SMTN: variants seen among roughly 807,000 people sequenced by gnomAD.
The protein encoded by SMTN is smoothelin.
In SMTN, 58 loss-of-function variants were observed where a neutral mutation model predicts 102.0. The observed-to-expected ratio is 0.57, with a 90% CI of 0.46 to 0.71. The LOEUF (loss-of-function observed/expected upper bound fraction) is 0.71. Ranked by LOEUF, SMTN falls within the 30% of genes least tolerant of loss-of-function variation. The probability of loss-of-function intolerance (pLI) is 0.00; values close to 1 mark genes in which losing one functional copy is unlikely to be tolerated. For missense variants in SMTN, 1,185 were observed against 1,241.7 expected (o/e 0.95, Z 0.69); for synonymous variants, 478 against 497.9 (o/e 0.96, Z 0.53).
intron 1 of SMTN, among the ~76,000 whole-genome samples, chr22:31,069,796 G>A (rs200467097): frequency 5.3e-5 from 8 of 152,320 alleles, no homozygotes; most frequent in East Asian, 3.9e-4. Context: ...TGGGTGGGCC[G>A]ACCTCAGGAA....
chr22:31,096,988 G>A lies in SMTN; in HGVS notation c.2027-10G>A. On this transcript the variant is annotated splice_polypyrimidine_tract_variant and intron_variant, in intron 14 of 20. Coordinates refer to ENST00000333137, the MANE Select transcript of SMTN (RefSeq NM_134269.3). ...GCCTTTCACATCCTTCTCATCCCCTGCCCCTGCAGATGATGGCACACGGAC... is the reference window on the plus strand; with the variant it reads ...GCCTTTCACATCCTTCTCATCCCCTACCCCTGCAGATGATGGCACACGGAC... 2 of 1,614,040 alleles carry A rather than the reference G, an allele frequency of 1.2e-6. No individual in the cohort carries two copies. The highest frequency in any genetic ancestry group is 1.7e-6 in the Non-Finnish European group (2 of 1,179,972).
rs745964072 is a variant in SMTN at position 31,098,678 on chromosome 22, G to C, written c.2171G>C (p.Arg724Pro). 6.2e-7 allele frequency: 1 copy of C among 1,613,298 alleles called. No homozygotes were observed. The highest frequency in any genetic ancestry group is 8.5e-7 in the Non-Finnish European group (1 of 1,179,812). The change falls in exon 17 of 21, where the codon CGC becomes CCC. Residue 724 changes from arginine to proline, a missense_variant. Around this residue, in one of 2 missense-constraint regions of SMTN, gnomAD observed 1,096 missense variants for 1,112.7 expected, o/e 0.98. Coordinates refer to ENST00000333137, the MANE Select transcript of SMTN (RefSeq NM_134269.3). ...TCCCCAACCCCTAGCATCTTCGACCGCGAGGACCAGGCCAGCCCACGGGCC... is the reference window on the plus strand; with the variant it reads ...TCCCCAACCCCTAGCATCTTCGACCCCGAGGACCAGGCCAGCCCACGGGCC... The part of the protein sequence containing the change: ...SSKKMGSIFD[R>P]EDQASPRAGS...
intron 11 of SMTN, 90 bp downstream of exon 11, chr22:31,091,937 C>A: frequency 1.7e-6 from 2 of 1,202,936 alleles, no homozygotes; most frequent in South Asian, 1.6e-5. Context: ...TCCTCTGCTC[C>A]TCCCCTACTG....
chr22:31,095,358 C>A lies in SMTN; in HGVS notation c.1688C>A (p.Ala563Asp). ...LAAAVEAANG[A>D]EQTRVNKAPE... ...GCAGCAGTGGAAGCGGCCAATGGGG[C>A]TGAGCAGACCCGAGTGAACAAAGCA... Residue 563 changes from alanine to aspartate, a missense_variant, in exon 12 of 21, where the codon GCT becomes GAT. Physicochemically the swap from Ala to Asp is moderately radical, Grantham distance 126. Around this residue, in one of 2 missense-constraint regions of SMTN, gnomAD observed 1,096 missense variants for 1,112.7 expected, o/e 0.98. Transcript: ENST00000333137. This position sits in a 1 kb window ranked among gnomAD's most constrained non-coding sequence, Gnocchi z 4.1. 6.2e-7 allele frequency: 1 copy of A among 1,614,214 alleles called. No individual in the cohort carries two copies.
upstream of SMTN, chr22:31,080,837 T>C (rs1169155157): frequency 6.6e-6 from 1 of 152,346 alleles, no homozygotes; most frequent in Non-Finnish European, 1.5e-5. Flanking sequence ...AGGGTCAAGG[T>C]GCTGCCAGTC....
chr22:31,082,848 C>T, intron 1 of SMTN: 4 of 1,523,224 alleles, frequency 2.6e-6, no homozygotes, highest in Non-Finnish European at 3.5e-6. Context: ...GTAAGCACAG[C>T]TTGGGTGGGT....
At chr22:31,082,984 A>G in intron 1 of SMTN, 195 bp from the exon 2 acceptor site, 1 of 1,435,308 alleles carries the variant, frequency 7.0e-7, no homozygotes, top group Non-Finnish European at 9.6e-7. Flanking sequence ...GGAACCAGAG[A>G]CCCCCTACCC....
rs1290116341 is a variant in SMTN, at chr22:31,091,196, C to T, written c.1173C>T (p.Ser391=). Residue 391 remains serine, a synonymous_variant, in exon 10 of 21, where the codon TCC becomes TCT. Transcript: ENST00000333137. ...SSSRGPSDTS[S]RFSKEQRGVA... is the part of the protein sequence containing the mutation. ...CTCGGGGCCCCAGTGATACCTCCTC[C>T]CGGTTCAGCAAGGAGCAACGAGGAG... The T allele has an allele frequency of 2.5e-6, 4 of 1,613,226 alleles. No homozygotes were observed. Among genetic ancestry groups the T allele is most frequent in the East Asian group, 2.2e-5 (1 of 44,846 alleles).
intron 13 of SMTN, chr22:31,096,496 C>T (rs2074736): frequency 0.7 from 312,438 of 443,976 alleles, 112,312 homozygotes; most frequent in African/African-American, 0.89. Context: ...AGTTTAGCTA[C>T]TCCGTATTCT....
chr22:31,079,880 A>C (rs1347149680), upstream of SMTN, among the ~76,000 whole-genome samples: 3 of 152,208 alleles, frequency 2.0e-5, no homozygotes, highest in African/African-American at 7.2e-5. Flanking sequence ...CTACTGCCTC[A>C]GCCTCCCAAG....
In SMTN at chr22:31,101,063, C is replaced by T; in HGVS notation, c.*20+14C>T. ...CGGGGCCCCACGGTGAGAAACGCCGCCTCTACCACCTGCCCCGTTTCACCA... is the reference window on the plus strand; with the variant it reads ...CGGGGCCCCACGGTGAGAAACGCCGTCTCTACCACCTGCCCCGTTTCACCA... On this transcript the variant is annotated intron_variant, in intron 20 of 20. Transcript: ENST00000333137. 6.3e-7 allele frequency: 1 copy of T among 1,583,428 alleles called. No homozygotes were observed. The highest frequency in any genetic ancestry group is 2.3e-5 in the East Asian group (1 of 43,384).
At chr22:31,086,514 C>T (rs1373024287) in intron 2 of SMTN, among the ~76,000 whole-genome samples, 3 of 152,186 alleles carry the variant, frequency 2.0e-5, no homozygotes, top group Non-Finnish European at 2.9e-5. Context: ...CCCATTTGCC[C>T]CCTTGTCTCT....
At position 31,095,314 on chromosome 22, in the gene SMTN, G is replaced by A; in HGVS notation, c.1644G>A (p.Glu548=). ...RGGCSIKMEA[E]PAEPLAAAVE... is the part of the protein sequence containing the mutation. ...TCCCCACCCTGCAGATGGAAGCAGA[G>A]CCAGCAGAGCCTCTCGCTGCAGCAG... The change falls in exon 12 of 21, where the codon GAG becomes GAA. Residue 548 remains glutamate (E), a synonymous_variant. Transcript: ENST00000333137. The surrounding 1 kb of genome is among the most constrained non-coding windows in gnomAD (Gnocchi z 4.1). 6.2e-7 allele frequency: 1 copy of A among 1,613,848 alleles called. No individual in the cohort carries two copies. Among genetic ancestry groups the A allele is most frequent in the Non-Finnish European group, 8.5e-7 (1 of 1,180,020 alleles).
At chr22:31,078,118 C>T (rs1324667112), upstream of SMTN, among the ~76,000 whole-genome samples, 2 of 152,164 alleles carry the variant, frequency 1.3e-5, no homozygotes, top group African/African-American at 4.8e-5. Flanking sequence ...GCTTAGAGAG[C>T]CCAAGGCACA....
At chr22:31,088,310 C>A in intron 3 of SMTN, 197 bp downstream of exon 3, 2 of 786,558 alleles carry the variant, frequency 2.5e-6, no homozygotes, top group Non-Finnish European at 4.0e-6. Flanking sequence ...CGCGGCCGTG[C>A]TGATGTAGCC....
Position 31,091,462 on chromosome 22 carries a change from C to A in SMTN, c.1439C>A (p.Pro480His). The A allele has an allele frequency of 1.3e-6, 2 of 1,522,334 alleles. No individual in the cohort carries two copies. Among genetic ancestry groups the A allele is most frequent in the Non-Finnish European group, 1.8e-6 (2 of 1,138,866 alleles). 94.3% of individuals were successfully genotyped at this position (1,522,334 alleles called of 1,614,324 possible). A position where few individuals can be genotyped will look rare whatever the true frequency, so the allele number is the denominator to read the frequency against. ...GQASTGRVLL[P>H]TGNQRAELTL... Reference sequence around the variant, plus strand: ...GCCTCCACAGGCCGGGTGCTGCTGCCCACAGGCAACCAGAGGGCAGGTAGG... The same window carrying A: ...GCCTCCACAGGCCGGGTGCTGCTGCACACAGGCAACCAGAGGGCAGGTAGG... The change falls in exon 10 of 21, where the codon CCC (proline) becomes CAC (histidine). Residue 480 changes from proline to histidine, a missense_variant. Physicochemically the swap from Pro to His is moderately conservative, Grantham distance 77. This residue lies in a region of SMTN where 1,096 missense variants were observed against 1,112.7 expected (regional missense o/e 0.98). Transcript: ENST00000333137.
upstream of SMTN, among the ~76,000 whole-genome samples, chr22:31,078,013 G>A (rs146046788): frequency 6.1e-3 from 922 of 152,340 alleles, 16 homozygotes; most frequent in African/African-American, 0.02. Context: ...TCACCTGCCT[G>A]TCTGTTGCCC....
intron 11 of SMTN, among the ~76,000 whole-genome samples, chr22:31,094,693 T>G (rs1159789120): frequency 6.6e-6 from 1 of 151,844 alleles, no homozygotes; most frequent in Non-Finnish European, 1.5e-5. Flanking sequence ...CCGGTCTTGT[T>G]TTCTTTGCAA....
chr22:31,078,789 G>A (rs189499413), upstream of SMTN, among the ~76,000 whole-genome samples: 72 of 152,328 alleles, frequency 4.7e-4, 1 homozygote, highest in East Asian at 0.012. Flanking sequence ...TGAGATGGAA[G>A]GATTGCTTGA....
Sources: allele counts gnomAD v4.1 joint callset (sites outside exome capture counted in the v4.1 genomes callset), GRCh38; gene constraint gnomAD v4.1.1; regional missense constraint gnomAD v4.1.1; non-coding constraint Gnocchi (gnomAD v3.1); transcripts MANE v1.5; gene names NCBI Gene and HGNC (gene_info 2026-07-23, HGNC 2026-07-21).